Variants in MYO9A observed in about 807,000 individuals in gnomAD.
The protein encoded by MYO9A is myosin IXA.
MYO9A carries 103 observed loss-of-function variants against 293.3 expected under a neutral mutation model. The ratio of observed to expected loss-of-function variants is 0.35; its 90% CI spans 0.30 to 0.41. The LOEUF (loss-of-function observed/expected upper bound fraction) is 0.41. Among genes scored for constraint, MYO9A ranks in the 10% least tolerant of loss-of-function variants. The pLI is 1.00. For synonymous variants in MYO9A, 1,001 were observed against 1,035.7 expected, an observed-to-expected ratio of 0.97 and a Z score of 0.64; for missense variants, 2,685 against 3,033.0, an observed-to-expected ratio of 0.89 and a Z score of 2.69.
rs775401239 is a variant in MYO9A, at chr15:71,933,697, A to AT, written c.2534dup (p.Asn845LysfsTer75). The AT allele has an allele frequency of 6.3e-7, 1 of 1,589,524 alleles. No individual in the cohort carries two copies. The highest frequency in any genetic ancestry group is 8.6e-7 in the Non-Finnish European group (1 of 1,167,582). On this transcript the variant is annotated frameshift_variant, in exon 18 of 42. Coordinates refer to ENST00000356056, the MANE Select transcript of MYO9A (RefSeq NM_006901.4). LOFTEE classifies it high-confidence loss of function. ...TTGGAAGGGCAGGCTTGGATTTGAA[A>AT]TTTTTGTTTCTCCTATAGAGATAAA...
chr15:71,943,512 A>G (rs1189590436), intron 15 of MYO9A, among the ~76,000 whole-genome samples: 3 of 152,142 alleles, frequency 2.0e-5, no homozygotes, highest in Non-Finnish European at 4.4e-5. Flanking sequence ...ATCAGGCTTC[A>G]TAACATGTAA....
intron 13 of MYO9A, among the ~76,000 whole-genome samples, chr15:71,960,895 G>A (rs1282861488): frequency 6.6e-6 from 1 of 152,078 alleles, no homozygotes; most frequent in Non-Finnish European, 1.5e-5. Flanking sequence ...ATGATAAGCT[G>A]GACAAGTTAG....
chr15:71,898,867 T>A lies in MYO9A; in HGVS notation c.3636A>T (p.Val1212=). ...RIKAIEECKS[V]IESNRISRES... is the part of the protein sequence containing the mutation. ...CACGGCTAATTCGATTACTCTCTAT[T>A]ACAGATTTACATTCCTCTATGGCTT... Residue 1212 remains valine (V), a synonymous_variant, in exon 25 of 42, where the codon GTA becomes GTT. Coordinates refer to ENST00000356056, the MANE Select transcript of MYO9A (RefSeq NM_006901.4). The A allele has an allele frequency of 6.2e-7, 1 of 1,614,122 alleles. No homozygotes were observed. The highest frequency in any genetic ancestry group is 1.1e-5 in the South Asian group (1 of 91,082).
intron 1 of MYO9A, among the ~76,000 whole-genome samples, chr15:72,087,140 G>C (rs1041819635): frequency 1.3e-5 from 2 of 152,150 alleles, no homozygotes; most frequent in African/African-American, 4.8e-5. Flanking sequence ...TATGATGCAG[G>C]TCCCCAGGGT....
At chr15:72,067,617 C>T (rs1292031813) in intron 1 of MYO9A, among the ~76,000 whole-genome samples, 1 of 152,140 alleles carries the variant, frequency 6.6e-6, no homozygotes, top group Non-Finnish European at 1.5e-5. Context: ...ACTATTTAAA[C>T]AGTTTCAAAA....
intron 10 of MYO9A, chr15:71,993,866 A>T (rs977357921): frequency 6.7e-6 from 1 of 149,780 alleles, no homozygotes; most frequent in Non-Finnish European, 1.5e-5. Flanking sequence ...GCTACTCAGG[A>T]GGCTGAGGCA....
chr15:72,065,515 C>CAAAAA (rs780113322), intron 1 of MYO9A, among the ~76,000 whole-genome samples: 1 of 56,608 alleles, frequency 1.8e-5, no homozygotes, highest in African/African-American at 6.6e-5. Flanking sequence ...AACTCCGTCT[C>CAAAAA]AAAAAAAAAA....
intron 1 of MYO9A, among the ~76,000 whole-genome samples, chr15:72,092,415 A>G (rs1391013291): frequency 6.6e-6 from 1 of 152,210 alleles, no homozygotes; most frequent in Non-Finnish European, 1.5e-5. Context: ...GGCCAGAGGT[A>G]TAAATATTTT....
intron 26 of MYO9A, chr15:71,893,299 A>C: frequency 1.4e-6 from 1 of 712,098 alleles, no homozygotes; most frequent in South Asian, 1.8e-5. Flanking sequence ...CCTCCACCCA[A>C]CCATGCCCTT....
At chr15:71,953,326 C>T (rs528545765) in intron 14 of MYO9A, among the ~76,000 whole-genome samples, 66 of 152,232 alleles carry the variant, frequency 4.3e-4, no homozygotes, top group African/African-American at 1.5e-3. Flanking sequence ...CTGAAGGGGA[C>T]CAGTTGAGGA....
chr15:72,094,412 T>C (rs1471844359), intron 1 of MYO9A, among the ~76,000 whole-genome samples: 1 of 91,692 alleles, frequency 1.1e-5, no homozygotes, highest in Non-Finnish European at 3.3e-5. Flanking sequence ...GTCAAGTAAG[T>C]CAACAGGTGC....
At chr15:72,067,167 C>T (rs2079046722) in intron 1 of MYO9A, among the ~76,000 whole-genome samples, 1 of 147,870 alleles carries the variant, frequency 6.8e-6, no homozygotes, top group Non-Finnish European at 1.5e-5. Flanking sequence ...ATCTAATATA[C>T]TTATTAAATA....
chr15:72,000,660 G>A (rs116017605), intron 8 of MYO9A, among the ~76,000 whole-genome samples: 2,356 of 152,020 alleles, frequency 0.015, 62 homozygotes, highest in African/African-American at 0.054. Context: ...TATTTTTTGA[G>A]ACAGAGTTTC....
In MYO9A at chr15:72,046,571, C is replaced by A. The variant is rs781432315; in HGVS notation, c.-8G>T. Reference sequence around the variant, plus strand: ...TCCATCATTTATATTCATATTGGATCCTGTCCCATCAGCATGGATAGTATA... The same window carrying A: ...TCCATCATTTATATTCATATTGGATACTGTCCCATCAGCATGGATAGTATA... On this transcript the variant is annotated 5_prime_UTR_variant, in exon 2 of 42. Transcript: ENST00000356056. 14 of 1,575,478 alleles carry A rather than the reference C, an allele frequency of 8.9e-6. 1 individual carries two copies. The South Asian group carries it at 1.4e-4, about 16-fold the overall frequency.
At chr15:71,974,012 A>G (rs1358240478) in intron 12 of MYO9A, among the ~76,000 whole-genome samples, 1 of 152,238 alleles carries the variant, frequency 6.6e-6, no homozygotes, top group African/African-American at 2.4e-5. Flanking sequence ...GGGGGGCTAC[A>G]AATGAATGGG....
intron 1 of MYO9A, among the ~76,000 whole-genome samples, chr15:72,115,504 C>G (rs781580182): frequency 5.3e-5 from 8 of 152,208 alleles, no homozygotes; most frequent in Non-Finnish European, 1.2e-4. Flanking sequence ...CAACTTCTCC[C>G]CAACCCCAAA....
At chr15:72,043,643 ATC>A (rs2078293202) in intron 2 of MYO9A, among the ~76,000 whole-genome samples, 1 of 152,212 alleles carries the variant, frequency 6.6e-6, no homozygotes, top group Non-Finnish European at 1.5e-5. Flanking sequence ...ATGCATACTA[ATC>A]TACAGTGACA....
chr15:71,929,941 T>C (rs889771650), intron 18 of MYO9A, among the ~76,000 whole-genome samples: 2 of 152,228 alleles, frequency 1.3e-5, no homozygotes, highest in African/African-American at 2.4e-5. Flanking sequence ...AGGGTAATGC[T>C]GGCCTTATAA....
chr15:71,970,995 G>A (rs954947959), intron 12 of MYO9A, among the ~76,000 whole-genome samples: 15 of 151,470 alleles, frequency 9.9e-5, no homozygotes, highest in African/African-American at 3.2e-4. Context: ...CATCTCTACT[G>A]AAAAAACACA....
Sources: allele counts gnomAD v4.1 joint callset (sites outside exome capture counted in the v4.1 genomes callset), GRCh38; gene constraint gnomAD v4.1.1; transcripts MANE v1.5; gene names NCBI Gene and HGNC (gene_info 2026-07-23, HGNC 2026-07-21).